DNAAF9: variants seen among roughly 807,000 people sequenced by gnomAD.
DNAAF9 encodes dynein axonemal assembly factor 9, also known as shulin.
A neutral mutation model predicts 167.0 loss-of-function variants in DNAAF9; 90 were observed. The ratio of observed to expected loss-of-function variants is 0.54; its 90% CI spans 0.45 to 0.64. DNAAF9 has a LOEUF of 0.64. Among genes scored for constraint, DNAAF9 ranks in the 30% least tolerant of loss-of-function variants. The pLI, the probability that DNAAF9 is intolerant of heterozygous loss-of-function variation, is 0.00. For missense variants in DNAAF9, 1,315 were observed against 1,442.2 expected, an observed-to-expected ratio of 0.91 and a Z score of 1.43; for synonymous variants, 491 against 508.8, an observed-to-expected ratio of 0.96 and a Z score of 0.47.
intron 1 of DNAAF9, among the ~76,000 whole-genome samples, chr20:3,393,798 A>G (rs1278325352): frequency 6.6e-6 from 1 of 152,178 alleles, no homozygotes; most frequent in Non-Finnish European, 1.5e-5. Flanking sequence ...GTTTACCTAT[A>G]ATATGCCAGA....
At chr20:3,308,118 G>A (rs576208101) in intron 20 of DNAAF9, among the ~76,000 whole-genome samples, 3 of 152,012 alleles carry the variant, frequency 2.0e-5, no homozygotes, top group Non-Finnish European at 4.4e-5. Flanking sequence ...TCCACCCAGG[G>A]GGAACAGCAT....
In DNAAF9 at chr20:3,270,294, C is replaced by T. The variant is rs2122805506; in HGVS notation, c.2786+133G>A. On this transcript the variant is annotated intron_variant, in intron 30 of 36. Transcript: ENST00000252032. Reference sequence around the variant, plus strand: ...AGTAGCTGGGACTATAGGTGCGTGCCACCGCACCTGGCTCAAAAACTGACT... The same window carrying T: ...AGTAGCTGGGACTATAGGTGCGTGCTACCGCACCTGGCTCAAAAACTGACT... The T allele has an allele frequency of 3.9e-6, 3 of 776,116 alleles. No individual in the cohort carries two copies. The South Asian group carries it at 4.8e-5, about 12-fold the overall frequency. The allele number at this position is 776,116 out of a possible 1,614,324, so 48.1% of individuals were successfully genotyped here.
intron 6 of DNAAF9, among the ~76,000 whole-genome samples, chr20:3,366,959 A>C (rs889431408): frequency 9.2e-5 from 14 of 152,054 alleles, no homozygotes; most frequent in African/African-American, 3.1e-4. Context: ...AAAAAATAAA[A>C]ATAAAAAAGA....
intron 6 of DNAAF9, among the ~76,000 whole-genome samples, chr20:3,366,397 A>C (rs1205338494): frequency 6.6e-6 from 1 of 152,170 alleles, no homozygotes; most frequent in African/African-American, 2.4e-5. Context: ...AGTAGGACTC[A>C]ATAGTGGGCT....
chr20:3,361,927 T>C, intron 6 of DNAAF9: 4 of 1,516,248 alleles, frequency 2.6e-6, no homozygotes, highest in Non-Finnish European at 3.7e-6. Flanking sequence ...AGTTTCATAT[T>C]TTCTTTAGAC....
chr20:3,330,555 A>C, intron 12 of DNAAF9, 91 bp downstream of exon 12: 10 of 794,660 alleles, frequency 1.3e-5, no homozygotes, highest in Non-Finnish European at 1.9e-5. Flanking sequence ...CAGATGTCTT[A>C]ATCACTGTTG....
intron 10 of DNAAF9, among the ~76,000 whole-genome samples, chr20:3,336,847 T>C (rs1038289082): frequency 1.1e-4 from 17 of 151,952 alleles, no homozygotes; most frequent in African/African-American, 3.9e-4. Context: ...CTGGTCTATT[T>C]TTACTTTAAA....
chr20:3,368,112 C>T (rs1446993983), intron 6 of DNAAF9, among the ~76,000 whole-genome samples: 3 of 152,144 alleles, frequency 2.0e-5, no homozygotes, highest in Admixed American at 6.5e-5. Context: ...CATGACTGCA[C>T]TGATCAGTAT....
In DNAAF9 at chr20:3,324,906, A is replaced by G; in HGVS notation, c.1251T>C (p.Phe417=). The change falls in exon 14 of 37, where the codon TTT becomes TTC. Residue 417 remains phenylalanine (F), a synonymous_variant. Transcript: ENST00000252032. The part of the protein sequence containing the change: ...SGLDSFELIP[F]KAALRSKMTF... ...CCATTGCTTACCGCAGGGCTGCCTT[A>G]AACGGAATCAACTCAAAGGAATCTA... The G allele has an allele frequency of 6.3e-7, 1 of 1,599,302 alleles. No individual in the cohort carries two copies. The highest frequency in any genetic ancestry group is 8.6e-7 in the Non-Finnish European group (1 of 1,166,506).
chr20:3,340,433 T>TCCGGGGGGGGGGGGCCCCCCCCCCCCC, intron 10 of DNAAF9, 71 bp downstream of exon 10: 2 of 221,214 alleles, frequency 9.0e-6, no homozygotes, highest in Non-Finnish European at 1.9e-5. Context: ...TTTGTCTAGC[T>TCCGGGGGGGGGGGGCCCCCCCCCCCCC]CCCCCCACCC....
intron 30 of DNAAF9, 93 bp downstream of exon 30, chr20:3,270,334 G>T: frequency 8.3e-7 from 1 of 1,208,144 alleles, no homozygotes; most frequent in Non-Finnish European, 1.2e-6. Flanking sequence ...CAAATGTTTA[G>T]GTCTTAGATA....
At chr20:3,295,559 C>T (rs192264178) in intron 23 of DNAAF9, 12 of 355,230 alleles carry the variant, frequency 3.4e-5, no homozygotes, top group Admixed American at 1.1e-4. Flanking sequence ...TGAGCAGTCA[C>T]GAAGATGGTC....
chr20:3,362,320 G>T, intron 6 of DNAAF9: 2 of 866,276 alleles, frequency 2.3e-6, no homozygotes, highest in Non-Finnish European at 3.7e-6. Context: ...TGTGGTGGCT[G>T]CCATCTTGCA....
chr20:3,269,319 C>A (rs547210692), intron 30 of DNAAF9, among the ~76,000 whole-genome samples: 1 of 152,074 alleles, frequency 6.6e-6, no homozygotes, highest in East Asian at 1.9e-4. Context: ...AGGCAATCCT[C>A]CTGCCCAGCC....
At chr20:3,257,176 G>A (rs6051683) in intron 33 of DNAAF9, among the ~76,000 whole-genome samples, 3 of 151,936 alleles carry the variant, frequency 2.0e-5, no homozygotes, top group Non-Finnish European at 4.4e-5. Context: ...CCGGAAAAAA[G>A]CGAGGTTAAA....
intron 25 of DNAAF9, among the ~76,000 whole-genome samples, chr20:3,292,252 G>A (rs1426902775): frequency 2.0e-5 from 3 of 151,746 alleles, no homozygotes; most frequent in Admixed American, 6.6e-5. Flanking sequence ...CACCTACCTC[G>A]ACCTCCCAAA....
chr20:3,314,255 G>T (rs1246787483), intron 20 of DNAAF9, among the ~76,000 whole-genome samples: 1 of 152,100 alleles, frequency 6.6e-6, no homozygotes, highest in Admixed American at 6.6e-5. Flanking sequence ...TAGCCATAAT[G>T]GGATGAGACC....
intron 1 of DNAAF9, among the ~76,000 whole-genome samples, chr20:3,398,529 T>C (rs1231463043): frequency 6.6e-6 from 1 of 151,800 alleles, no homozygotes; most frequent in South Asian, 2.1e-4. Context: ...ATTGGATGGA[T>C]AGAGAAAAGG....
At chr20:3,303,178 C>T (rs980113208) in intron 21 of DNAAF9, among the ~76,000 whole-genome samples, 2 of 151,158 alleles carry the variant, frequency 1.3e-5, no homozygotes, top group Non-Finnish European at 2.9e-5. Context: ...GGAGGCAGAG[C>T]TTGCAGTGAG....
Sources: allele counts gnomAD v4.1 joint callset (sites outside exome capture counted in the v4.1 genomes callset), GRCh38; gene constraint gnomAD v4.1.1; transcripts MANE v1.5; gene names NCBI Gene and HGNC (gene_info 2026-07-23, HGNC 2026-07-21).